The following CTTNBP2 variants were observed in gnomAD, a reference collection of about 807,000 sequenced individuals.
CTTNBP2 encodes the protein cortactin-binding protein 2.
A neutral mutation model predicts 156.9 loss-of-function variants in CTTNBP2; 108 were observed. That is an observed-to-expected ratio of 0.69 (90% confidence interval 0.59 to 0.81). The LOEUF (loss-of-function observed/expected upper bound fraction) is 0.81. Ranked by LOEUF, CTTNBP2 falls within the 30% of genes least tolerant of loss-of-function variation. CTTNBP2 has a pLI of 0.00. For synonymous variants in CTTNBP2, 767 were observed against 751.8 expected, an observed-to-expected ratio of 1.02 and a Z score of -0.33; for missense variants, 1,924 against 2,035.4, an observed-to-expected ratio of 0.95 and a Z score of 1.05.
intron 8 of CTTNBP2, among the ~76,000 whole-genome samples, chr7:117,774,163 C>T (rs1233749478): frequency 2.0e-5 from 3 of 152,014 alleles, no homozygotes; most frequent in Non-Finnish European, 4.4e-5. Context: ...ATAGTCAGGC[C>T]AGCTGTAGAG....
At chr7:117,831,905 CTA>C (rs1032374238) in intron 2 of CTTNBP2, among the ~76,000 whole-genome samples, 9 of 152,112 alleles carry the variant, frequency 5.9e-5, no homozygotes, top group African/African-American at 2.2e-4. Context: ...GTTATTAATT[CTA>C]TCTGTGCTGC....
At chr7:117,721,790 T>C (rs574637280) in intron 19 of CTTNBP2, among the ~76,000 whole-genome samples, 2 of 152,384 alleles carry the variant, frequency 1.3e-5, no homozygotes, top group African/African-American at 2.4e-5. Context: ...ATCAGTTATA[T>C]ATACACACAA....
intron 10 of CTTNBP2, among the ~76,000 whole-genome samples, chr7:117,759,650 C>A (rs1797079601): frequency 6.6e-6 from 1 of 152,192 alleles, no homozygotes; most frequent in African/African-American, 2.4e-5. Flanking sequence ...ACAAGCTTTT[C>A]TATCAGACAG....
chr7:117,747,747 T>G (rs1340771137), intron 12 of CTTNBP2, among the ~76,000 whole-genome samples: 1 of 152,178 alleles, frequency 6.6e-6, no homozygotes, highest in Non-Finnish European at 1.5e-5. Flanking sequence ...CACCCCATCC[T>G]GGGCAACAGA....
chr7:117,783,063 C>G (rs577862310), intron 5 of CTTNBP2, 102 bp from the exon 6 acceptor site: 10 of 737,102 alleles, frequency 1.4e-5, no homozygotes, highest in Non-Finnish European at 2.3e-5. Context: ...AAGGGACTCT[C>G]CCCTGCACAG....
chr7:117,724,699 C>G lies in CTTNBP2; in HGVS notation c.4295G>C (p.Gly1432Ala). 1 of 1,614,190 alleles carries G rather than the reference C, an allele frequency of 6.2e-7. No homozygotes were observed. The highest frequency in any genetic ancestry group is 8.5e-7 in the Non-Finnish European group (1 of 1,180,028). ...GGAAACTATGGATAAAGGGAAACTT[C>G]CTCCTTTGAAATCAGCTGTATGCTG... Reference protein sequence around the residue: ...LDQHTADFKGGSFPLSIVSSY... With the variant: ...LDQHTADFKGASFPLSIVSSY... Residue 1432 changes from glycine (G) to alanine (A), a missense_variant, in exon 19 of 23, where the codon GGA becomes GCA. Coordinates refer to ENST00000160373, the MANE Select transcript of CTTNBP2 (RefSeq NM_033427.3).
At chr7:117,782,840 A>G in intron 6 of CTTNBP2, 22 bp downstream of exon 6, 1 of 1,580,864 alleles carries the variant, frequency 6.3e-7, no homozygotes, top group Non-Finnish European at 8.7e-7. Context: ...TGGTGGGAAA[A>G]AAAGAATTAA....
intron 1 of CTTNBP2, among the ~76,000 whole-genome samples, chr7:117,862,090 A>G (rs1020938397): frequency 6.6e-6 from 1 of 152,036 alleles, no homozygotes; most frequent in African/African-American, 2.4e-5. Context: ...CAGTACAGGC[A>G]CACGCACTTT....
chr7:117,755,018 G>A (rs1796810494), intron 12 of CTTNBP2, among the ~76,000 whole-genome samples: 1 of 152,226 alleles, frequency 6.6e-6, no homozygotes, highest in Admixed American at 6.5e-5. Context: ...GGTTCTACCA[G>A]CTGATTCTAC....
intron 2 of CTTNBP2, among the ~76,000 whole-genome samples, chr7:117,834,557 T>C (rs1801813449): frequency 1.3e-5 from 2 of 152,212 alleles, no homozygotes; most frequent in South Asian, 2.1e-4. Context: ...CTAAACAAAC[T>C]AATCTTTCTT....
Position 117,791,202 on chromosome 7 carries a change from C to T in CTTNBP2, c.1994G>A (p.Cys665Tyr). The T allele has an allele frequency of 1.2e-6, 2 of 1,614,080 alleles. No homozygotes were observed. Among genetic ancestry groups the T allele is most frequent in the Non-Finnish European group, 1.7e-6 (2 of 1,180,012 alleles). ...GGCACTAACGGGGTTTATGGAAGAG[C>T]AAAAGGCAATGGTGGTAGGAATGAC... ...SLVIPTTIAF[C>Y]SSINPVSASS... The change falls in exon 4 of 23, where the codon TGC (cysteine) becomes TAC (tyrosine). Residue 665 changes from cysteine to tyrosine, a missense_variant. Physicochemically the swap from Cys to Tyr is radical, Grantham distance 194. Coordinates refer to ENST00000160373, the MANE Select transcript of CTTNBP2 (RefSeq NM_033427.3).
chr7:117,719,516 A>G lies in CTTNBP2; in HGVS notation c.4632T>C (p.Ser1544=). ...TTGTACTGCTCACCTTGCTGATATC[A>G]GACTCAGACTTGCTGGAGCACATGC... ...LQSMCSSKSE[S]DISKIADSRD... is the part of the protein sequence containing the mutation. The change falls in exon 21 of 23, where the codon TCT becomes TCC. Residue 1544 remains serine (S), a synonymous_variant. Coordinates refer to ENST00000160373, the MANE Select transcript of CTTNBP2 (RefSeq NM_033427.3). 5 of 1,613,762 alleles carry G rather than the reference A, an allele frequency of 3.1e-6. No individual in the cohort carries two copies. Among genetic ancestry groups the G allele is most frequent in the Non-Finnish European group, 4.2e-6 (5 of 1,179,762 alleles).
chr7:117,832,626 C>A (rs34832486), intron 2 of CTTNBP2, among the ~76,000 whole-genome samples: 1 of 151,632 alleles, frequency 6.6e-6, no homozygotes, highest in Non-Finnish European at 1.5e-5. Flanking sequence ...ATTCTTGATG[C>A]TCTACTATCT....
intron 2 of CTTNBP2, among the ~76,000 whole-genome samples, chr7:117,855,620 C>CA (rs1803258552): frequency 2.6e-5 from 4 of 152,130 alleles, no homozygotes; most frequent in Middle Eastern, 6.8e-3. Flanking sequence ...CCCCAAACAG[C>CA]AAAAAATAAA....
intron 2 of CTTNBP2, among the ~76,000 whole-genome samples, chr7:117,846,757 C>T (rs200718548): frequency 6.6e-5 from 10 of 152,170 alleles, no homozygotes; most frequent in Non-Finnish European, 1.5e-4. Context: ...ATTATTATTA[C>T]GATCTAACCA....
chr7:117,726,146 T>A (rs1480936533), intron 17 of CTTNBP2, among the ~76,000 whole-genome samples: 1 of 152,190 alleles, frequency 6.6e-6, no homozygotes, highest in Non-Finnish European at 1.5e-5. Context: ...GCAGCCCAAA[T>A]TTGCAGCACT....
At chr7:117,872,414 C>T (rs535504427) in intron 1 of CTTNBP2, among the ~76,000 whole-genome samples, 1 of 152,282 alleles carries the variant, frequency 6.6e-6, no homozygotes, top group Non-Finnish European at 1.5e-5. Flanking sequence ...CCCAGATCTG[C>T]CTTTCTCTGC....
chr7:117,737,024 A>C (rs775046526), intron 14 of CTTNBP2, among the ~76,000 whole-genome samples: 11 of 152,196 alleles, frequency 7.2e-5, no homozygotes, highest in Non-Finnish European at 1.6e-4. Context: ...ATCTCTTCTC[A>C]GACAGAAATG....
chr7:117,868,632 C>T (rs986196482), intron 1 of CTTNBP2, among the ~76,000 whole-genome samples: 3 of 152,204 alleles, frequency 2.0e-5, no homozygotes, highest in East Asian at 1.9e-4. Flanking sequence ...TCATCATCAT[C>T]GTCTCTCGTA....
Sources: allele counts gnomAD v4.1 joint callset (sites outside exome capture counted in the v4.1 genomes callset), GRCh38; gene constraint gnomAD v4.1.1; transcripts MANE v1.5; gene names NCBI Gene and HGNC (gene_info 2026-07-23, HGNC 2026-07-21).